Variants in BRI3BP observed in about 807,000 individuals in gnomAD.
The protein encoded by BRI3BP is BRI3 binding protein, also known as BRI3-binding protein.
A neutral mutation model predicts 15.8 loss-of-function variants in BRI3BP; 7 were observed. The ratio of observed to expected loss-of-function variants is 0.44; its 90% CI spans 0.25 to 0.83. The LOEUF is 0.83. BRI3BP is among the 40% of genes least tolerant of loss of function. BRI3BP has a pLI of 0.20. For missense variants in BRI3BP, 320 were observed against 339.3 expected, an observed-to-expected ratio of 0.94 and a Z score of 0.45; for synonymous variants, 192 against 163.5, an observed-to-expected ratio of 1.17 and a Z score of -1.33.
At chr12:125,042,860 G>A in the BRI3BP span, among the ~76,000 whole-genome samples, 3 of 151,984 alleles carry the variant, frequency 2.0e-5, no homozygotes, top group Non-Finnish European at 4.4e-5. Flanking sequence ...ATAGCTCACT[G>A]CAGCCTTGAA....
the BRI3BP span, among the ~76,000 whole-genome samples, chr12:125,047,977 G>C: frequency 6.7e-6 from 1 of 150,104 alleles, no homozygotes; most frequent in African/African-American, 2.5e-5. Context: ...GATTACAAGC[G>C]TGAGCTACTG....
At chr12:124,998,517 T>A (rs1429373881) in intron 1 of BRI3BP, among the ~76,000 whole-genome samples, 1 of 152,124 alleles carries the variant, frequency 6.6e-6, no homozygotes. Context: ...AGGGCACACA[T>A]TATATGATTC....
chr12:125,000,082 T>C (rs1955076341), intron 1 of BRI3BP, among the ~76,000 whole-genome samples: 1 of 144,386 alleles, frequency 6.9e-6, no homozygotes, highest in Non-Finnish European at 1.5e-5. Context: ...TTTTTTTTTT[T>C]TTTTGTAAAG....
chr12:125,024,859 C>T, intron 2 of BRI3BP, 132 bp from the exon 3 acceptor site: 1 of 757,420 alleles, frequency 1.3e-6, no homozygotes, highest in Non-Finnish European at 2.1e-6. Context: ...CACAGAGGAA[C>T]TTCCTTGAGT....
At chr12:124,994,700 G>A (rs149965525) in intron 1 of BRI3BP, among the ~76,000 whole-genome samples, 10 of 152,282 alleles carry the variant, frequency 6.6e-5, no homozygotes, top group Non-Finnish European at 1.3e-4. Flanking sequence ...AGCTAGGTGC[G>A]ATAGGGGTGC....
At chr12:125,002,978 C>T (rs542085777) in intron 1 of BRI3BP, among the ~76,000 whole-genome samples, 1 of 152,332 alleles carries the variant, frequency 6.6e-6, no homozygotes, top group Admixed American at 6.5e-5. Context: ...GGCAGGCCCA[C>T]TGCGCTGGGG....
At chr12:125,022,541 A>ATTTATTTATTTATTTATTTATTTTTTT in intron 2 of BRI3BP, among the ~76,000 whole-genome samples, 9 of 139,402 alleles carry the variant, frequency 6.5e-5, no homozygotes, top group African/African-American at 2.6e-4. Flanking sequence ...TTATTTATTT[A>ATTTATTTATTTATTTATTTATTTTTTT]TTTTTTGAGA....
At chr12:125,037,663 T>C in the BRI3BP span, among the ~76,000 whole-genome samples, 2 of 150,908 alleles carry the variant, frequency 1.3e-5, no homozygotes, top group Non-Finnish European at 3.0e-5. Flanking sequence ...TACAAAAAAA[T>C]TAGCTGGGTG....
downstream of BRI3BP, among the ~76,000 whole-genome samples, chr12:125,036,013 A>T (rs1955437847): frequency 1.3e-5 from 2 of 151,868 alleles, no homozygotes; most frequent in Non-Finnish European, 2.9e-5. Context: ...TTTGATGATG[A>T]TTAACAAAAA....
chr12:125,019,106 C>T (rs942231236), intron 2 of BRI3BP, among the ~76,000 whole-genome samples: 12 of 152,144 alleles, frequency 7.9e-5, no homozygotes, highest in East Asian at 1.9e-4. Context: ...GATCCACCTG[C>T]GTTGGCCTCC....
rs867754880 is a variant in BRI3BP, at chr12:125,029,752, C to T, written c.*4322C>T. ...TAATTCACAAAGGGTAAGTGAATGC[C>T]GTTGAAAGGTGTTTCATACACTTAC... On this transcript the variant is annotated 3_prime_UTR_variant, in exon 3 of 3. Transcript: ENST00000341446. The T allele has an allele frequency of 2.0e-5, 3 of 151,992 alleles. No homozygotes were observed. Among genetic ancestry groups the T allele is most frequent in the African/African-American group, 4.8e-5 (2 of 41,368 alleles). 9.4% of individuals were successfully genotyped at this position (151,992 alleles called of 1,614,324 possible).
At chr12:125,005,939 G>GGA (rs1312759157) in intron 1 of BRI3BP, among the ~76,000 whole-genome samples, 1 of 152,060 alleles carries the variant, frequency 6.6e-6, no homozygotes, top group Non-Finnish European at 1.5e-5. Context: ...CTCCCATTCT[G>GGA]GAGGCTGGAA....
intron 1 of BRI3BP, among the ~76,000 whole-genome samples, chr12:124,996,836 G>A (rs1955045145): frequency 6.7e-6 from 1 of 150,076 alleles, no homozygotes; most frequent in African/African-American, 2.5e-5. Flanking sequence ...TTGGCTCATG[G>A]CAACCTCTGC....
At chr12:125,010,913 G>A (rs1955191511) in intron 1 of BRI3BP, among the ~76,000 whole-genome samples, 1 of 152,002 alleles carries the variant, frequency 6.6e-6, no homozygotes, top group Non-Finnish European at 1.5e-5. Context: ...GGCCAACATG[G>A]TGAAACCCCG....
intron 1 of BRI3BP, among the ~76,000 whole-genome samples, chr12:125,001,017 C>T (rs1457422135): frequency 6.6e-6 from 1 of 152,116 alleles, no homozygotes; most frequent in Non-Finnish European, 1.5e-5. Context: ...AGTTTCCTCA[C>T]TTTTGGTGGA....
Position 125,028,938 on chromosome 12 carries a change from G to A in BRI3BP, c.*3508G>A, listed in dbSNP as rs546988737. ...ATCTTCAGGGCTGTAGAATATATTA[G>A]CGTAACACTTCACTGAATGTGACGT... On this transcript the variant is annotated 3_prime_UTR_variant, in exon 3 of 3. Transcript: ENST00000341446. 6.6e-6 allele frequency: 1 copy of A among 152,142 alleles called. No individual in the cohort carries two copies. Among genetic ancestry groups the A allele is most frequent in the Non-Finnish European group, 1.5e-5 (1 of 68,020 alleles). The allele number at this position is 152,142 out of a possible 1,614,324, so 9.4% of individuals were successfully genotyped here. A position where few individuals can be genotyped will look rare whatever the true frequency, so the allele number is the denominator to read the frequency against.
chr12:125,036,375 T>TTTTA, the BRI3BP span, among the ~76,000 whole-genome samples: 1 of 151,256 alleles, frequency 6.6e-6, no homozygotes, highest in Non-Finnish European at 1.5e-5. Flanking sequence ...ATTTTTTTTA[T>TTTTA]TTTATTTATT....
chr12:124,993,824 C>G lies in BRI3BP; in HGVS notation c.34C>G (p.Arg12Gly), dbSNP rs1452218942. Reference sequence around the variant, plus strand: ...GCGCGCCTCAGGCGGGCCCCTGGCCCGGGCCGGGCTCCTGCTGCTGCTGCT... The same window carrying G: ...GCGCGCCTCAGGCGGGCCCCTGGCCGGGGCCGGGCTCCTGCTGCTGCTGCT... ...GARASGGPLA[R>G]AGLLLLLLLL... is the part of the protein sequence containing the mutation. Residue 12 changes from arginine (R) to glycine (G), a missense_variant, in exon 1 of 3, where the codon CGG becomes GGG. Coordinates refer to ENST00000341446, the MANE Select transcript of BRI3BP (RefSeq NM_080626.6). 3.5e-6 allele frequency: 4 copies of G among 1,130,724 alleles called. No individual in the cohort carries two copies. The highest frequency in any genetic ancestry group is 5.1e-5 in the Admixed American group (1 of 19,510). The allele number at this position is 1,130,724 out of a possible 1,614,324, so 70.0% of individuals were successfully genotyped here.
At chr12:125,035,623 A>T (rs1376538371), downstream of BRI3BP, among the ~76,000 whole-genome samples, 2 of 151,532 alleles carry the variant, frequency 1.3e-5, no homozygotes, top group East Asian at 3.9e-4. Context: ...CAACTCCTGG[A>T]CTCAAGTGAT....
Sources: gnomAD v4.1 joint callset for allele counts (sites outside exome capture counted in the v4.1 genomes callset) on GRCh38, gnomAD v4.1.1 for gene constraint, MANE v1.5 for transcripts, NCBI Gene and HGNC (gene_info 2026-07-23, HGNC 2026-07-21) for gene names.